Variants in EPB41L5 observed in about 807,000 individuals in gnomAD.
EPB41L5 encodes erythrocyte membrane protein band 4.1 like 5, also known as band 4.1-like protein 5.
Under a neutral mutation model 106.6 loss-of-function variants are expected in EPB41L5, and 55 were observed. The ratio of observed to expected loss-of-function variants is 0.52; its 90% CI spans 0.42 to 0.65. The LOEUF (loss-of-function observed/expected upper bound fraction) is 0.65. Ranked by LOEUF, EPB41L5 falls within the 30% of genes least tolerant of loss-of-function variation. The pLI, the probability that EPB41L5 is intolerant of heterozygous loss-of-function variation, is 0.00. For synonymous variants in EPB41L5, 297 were observed against 306.7 expected, an observed-to-expected ratio of 0.97 and a Z score of 0.33; for missense variants, 871 against 882.1, an observed-to-expected ratio of 0.99 and a Z score of 0.16.
At chr2:120,165,892 T>C (rs569383207) in intron 22 of EPB41L5, among the ~76,000 whole-genome samples, 6 of 132,112 alleles carry the variant, frequency 4.5e-5, no homozygotes, top group South Asian at 4.7e-4. Context: ...TGCTGGAACC[T>C]GGGAGATGGA....
chr2:120,160,025 T>C (rs888489281), intron 20 of EPB41L5, among the ~76,000 whole-genome samples: 4 of 152,078 alleles, frequency 2.6e-5, no homozygotes, highest in African/African-American at 9.7e-5. Flanking sequence ...TGAGAACACG[T>C]GGACACATAG....
At chr2:120,020,119 C>T (rs1677822694) in intron 2 of EPB41L5, among the ~76,000 whole-genome samples, 1 of 152,114 alleles carries the variant, frequency 6.6e-6, no homozygotes, top group African/African-American at 2.4e-5. Context: ...CATTCAAAGA[C>T]TTAACGGTAA....
intron 3 of EPB41L5, among the ~76,000 whole-genome samples, chr2:120,056,425 AGGAGCTG>A (rs1680657116): frequency 6.6e-6 from 1 of 151,862 alleles, no homozygotes; most frequent in African/African-American, 2.4e-5. Flanking sequence ...CAGCCTCCCA[AGGAGCTG>A]GGATGACAGG....
intron 16 of EPB41L5, among the ~76,000 whole-genome samples, chr2:120,122,518 C>G (rs991136400): frequency 6.6e-6 from 1 of 152,154 alleles, no homozygotes. Context: ...GGCCTCTGTT[C>G]TGTTCCATTG....
chr2:120,174,793 T>C lies in EPB41L5; in HGVS notation c.2136-48T>C, dbSNP rs142711419. 1.1e-4 allele frequency: 175 copies of C among 1,572,838 alleles called. No individual in the cohort carries two copies. The African/African-American group carries it at 1.4e-3, about 13-fold the overall frequency. On this transcript the variant is annotated intron_variant, in intron 24 of 24. Transcript: ENST00000263713. ...ACTAATGGAGACATGAATGTCCTCC[T>C]CCAAACCCCAGGGGTTCCCTGAGTA...
At chr2:120,064,926 AAGAACATCACCC>A (rs1681340764) in intron 3 of EPB41L5, among the ~76,000 whole-genome samples, 1 of 152,176 alleles carries the variant, frequency 6.6e-6, no homozygotes, top group Non-Finnish European at 1.5e-5. Flanking sequence ...CCTTTCCCAG[AAGAACATCACCC>A]AGAACTCCCA....
intron 14 of EPB41L5, among the ~76,000 whole-genome samples, chr2:120,099,026 C>T (rs1461589413): frequency 6.6e-6 from 1 of 152,204 alleles, no homozygotes; most frequent in Non-Finnish European, 1.5e-5. Flanking sequence ...TCGGGGTACC[C>T]GAAGTATTCT....
At chr2:120,015,064 C>T (rs1301579112) in intron 1 of EPB41L5, among the ~76,000 whole-genome samples, 4 of 151,216 alleles carry the variant, frequency 2.6e-5, no homozygotes, top group Non-Finnish European at 5.9e-5. Context: ...TGGCTCACGC[C>T]TGTAATCCCA....
rs199806469 is a variant in EPB41L5 at position 120,111,129 on chromosome 2, T to TTAG, written c.1337+10317_1337+10319dup. 9.7e-3 allele frequency among the ~76,000 whole-genome samples: 1,483 copies of TTAG among 152,320 alleles called. 27 individuals are homozygous for TTAG. Among genetic ancestry groups the TTAG allele is most frequent in the African/African-American group, 0.033 (1,373 of 41,568 alleles). The stretch of plus-strand genomic sequence containing the variant: ...TCTGACCCGAGATCCCATGTTACAT[T>TTAG]TAGTCCCCTTCAGCCTGTGACAGCC... On this transcript the variant is annotated intron_variant, in intron 16 of 24. Transcript: ENST00000263713.
At chr2:120,138,491 A>G (rs539523521) in intron 18 of EPB41L5, among the ~76,000 whole-genome samples, 184 of 152,228 alleles carry the variant, frequency 1.2e-3, no homozygotes, top group African/African-American at 4.2e-3. Context: ...GTAAAGTGGC[A>G]GGATACAGAT....
At chr2:120,042,498 TG>T (rs1679464978) in intron 3 of EPB41L5, among the ~76,000 whole-genome samples, 1 of 152,172 alleles carries the variant, frequency 6.6e-6, no homozygotes, top group Admixed American at 6.5e-5. Flanking sequence ...CAAATGAAGT[TG>T]AGTAGACTAG....
chr2:120,112,313 A>G (rs2105429607), intron 16 of EPB41L5, among the ~76,000 whole-genome samples: 1 of 152,274 alleles, frequency 6.6e-6, no homozygotes, highest in South Asian at 2.1e-4. Context: ...TTTTCAACAG[A>G]ATGTACGCTC....
intron 3 of EPB41L5, among the ~76,000 whole-genome samples, chr2:120,055,715 A>G (rs1574549073): frequency 6.6e-6 from 1 of 151,972 alleles, no homozygotes; most frequent in East Asian, 1.9e-4. Context: ...CTTTGGTACT[A>G]TTTTAAATGG....
At chr2:120,061,907 G>A (rs1681108238) in intron 3 of EPB41L5, among the ~76,000 whole-genome samples, 1 of 152,102 alleles carries the variant, frequency 6.6e-6, no homozygotes, top group Admixed American at 6.5e-5. Context: ...GTAAGCATGG[G>A]TAGACAGATG....
In EPB41L5 at chr2:120,128,339, A is replaced by G. The variant is rs141549572; in HGVS notation, c.1501+488A>G. Among the ~76,000 whole-genome samples the G allele has an allele frequency of 3.0e-3, 461 of 151,790 alleles. 2 individuals carry two copies. Among genetic ancestry groups the G allele is most frequent in the African/African-American group, 0.01 (428 of 41,366 alleles). On this transcript the variant is annotated intron_variant, in intron 17 of 24. Coordinates refer to ENST00000263713, the MANE Select transcript of EPB41L5 (RefSeq NM_020909.4). ...AGTAAATCTCTCATTGAAAATGTCTATGTATTTGTGAGTTTAGTTTTATAT... is the reference window on the plus strand; with the variant it reads ...AGTAAATCTCTCATTGAAAATGTCTGTGTATTTGTGAGTTTAGTTTTATAT...
At chr2:120,021,370 T>G (rs1264469031) in intron 2 of EPB41L5, among the ~76,000 whole-genome samples, 1 of 150,974 alleles carries the variant, frequency 6.6e-6, no homozygotes, top group Non-Finnish European at 1.5e-5. Context: ...TTGGGCCAGG[T>G]GCAGTGGCTC....
intron 22 of EPB41L5, among the ~76,000 whole-genome samples, chr2:120,166,644 G>A (rs1041196629): frequency 6.6e-6 from 1 of 152,314 alleles, no homozygotes; most frequent in African/African-American, 2.4e-5. Flanking sequence ...CACCATGTTG[G>A]CCAGGATGGT....
rs557642875 is a variant in EPB41L5, at chr2:120,085,240, C to T, written c.804-1931C>T. Among the ~76,000 whole-genome samples the T allele has an allele frequency of 6.9e-4, 105 of 152,216 alleles. 1 individual carries two copies. The highest frequency in any genetic ancestry group is 1.3e-3 in the Non-Finnish European group (91 of 68,014). ...CAGCTTTTCTGCTCTGTTTTTTCCC[C>T]GTCTTTGTGGTTTTATCTACCTTTG... On this transcript the variant is annotated intron_variant, in intron 10 of 24. Transcript: ENST00000263713.
At chr2:120,032,796 C>T (rs985164019) in intron 2 of EPB41L5, among the ~76,000 whole-genome samples, 2 of 152,262 alleles carry the variant, frequency 1.3e-5, no homozygotes, top group East Asian at 1.9e-4. Context: ...TTTTGTTATA[C>T]TGTAAGAGTA....
Sources: gnomAD v4.1 joint callset for allele counts (sites outside exome capture counted in the v4.1 genomes callset) on GRCh38, gnomAD v4.1.1 for gene constraint, MANE v1.5 for transcripts, NCBI Gene and HGNC (gene_info 2026-07-23, HGNC 2026-07-21) for gene names.